Variants in TULP1 observed in about 807,000 individuals in gnomAD.
TULP1 encodes tubby-related protein 1.
Under a neutral mutation model 67.1 loss-of-function variants are expected in TULP1, and 50 were observed. The ratio of observed to expected loss-of-function variants is 0.75; its 90% confidence interval spans 0.59 to 0.94. The LOEUF is 0.94. Among genes scored for constraint, TULP1 ranks in the 40% least tolerant of loss-of-function variants. The pLI, the probability that TULP1 is intolerant of heterozygous loss-of-function variation, is 0.00. For missense variants in TULP1, 746 were observed against 734.1 expected (o/e 1.02, Z -0.19); for synonymous variants, 297 against 294.0 (o/e 1.01, Z -0.11).
Position 35,497,920 on chromosome 6 carries a change from G to A in TULP1, c.*407C>T. On this transcript the variant is annotated 3_prime_UTR_variant, in exon 15 of 15. Transcript: ENST00000229771. ...TTGGGGATGTGGGTGCCTGGCCCTC[G>A]TCCCCCATCACCTACCCCCTCCTCC... 3.9e-6 allele frequency: 1 copy of A among 258,616 alleles called. No homozygotes were observed. The highest frequency in any genetic ancestry group is 7.6e-6 in the Non-Finnish European group (1 of 131,432). The allele number at this position is 258,616 out of a possible 1,614,324, so 16.0% of individuals were successfully genotyped here. A position where few individuals can be genotyped will look rare whatever the true frequency, so the allele number is the denominator to read the frequency against.
intron 4 of TULP1, among the ~76,000 whole-genome samples, 187 bp from the exon 5 acceptor site, chr6:35,511,197 G>C (rs552283926): frequency 3.9e-5 from 6 of 152,248 alleles, no homozygotes; most frequent in African/African-American, 1.4e-4. Context: ...TTCAGGGTCT[G>C]CAAATCAGGG....
Position 35,498,591 on chromosome 6 carries a change from TACTC to T in TULP1, c.1496-135_1496-132del, listed in dbSNP as rs1420798218. ...TCCAACCCTCAGCCACCATCTCAGT[TACTC>T]AACACCCATCCCTTCTTCTATCTCA... On this transcript the variant is annotated intron_variant, in intron 14 of 14. Transcript: ENST00000229771. The surrounding 1 kb of genome is among the most constrained non-coding windows in gnomAD (Gnocchi z 6.7). The T allele has an allele frequency of 7.4e-7, 1 of 1,359,212 alleles. No homozygotes were observed. Among genetic ancestry groups the T allele is most frequent in the Non-Finnish European group, 1.0e-6 (1 of 991,560 alleles). 84.2% of individuals were successfully genotyped at this position (1,359,212 alleles called of 1,614,324 possible). A position where few individuals can be genotyped will look rare whatever the true frequency, so the allele number is the denominator to read the frequency against.
chr6:35,509,788 G>C (rs199721291), intron 6 of TULP1, 38 bp from the exon 7 acceptor site: 1 of 1,613,846 alleles, frequency 6.2e-7, no homozygotes, highest in African/African-American at 1.3e-5. Context: ...AACCCCCACC[G>C]CAACTGGAGT....
rs761217132 is a variant in TULP1 at position 35,509,693 on chromosome 6, G to A, written c.659C>T (p.Pro220Leu). 4.3e-6 allele frequency: 7 copies of A among 1,613,932 alleles called. No individual in the cohort carries two copies. In the Admixed American group the frequency reaches 8.3e-5, roughly 19 times the overall value. ...TTCCCCAACCAGAAACATGGCTGCT[G>A]GGCTCTTCCTCGCACTGGCTGGGCT... ...SGSPASARKS[P>L]AAMFLVGEGS... The change falls in exon 7 of 15, where the codon CCA (proline) becomes CTA (leucine). Residue 220 changes from proline (P) to leucine (L), a missense_variant. Around this residue, in one of 3 missense-constraint regions of TULP1, gnomAD observed 359 missense variants for 341.9 expected, o/e 1.05. Coordinates refer to ENST00000229771, the MANE Select transcript of TULP1 (RefSeq NM_003322.6).
chr6:35,505,397 A>C (rs1185929974), intron 11 of TULP1: 7 of 405,826 alleles, frequency 1.7e-5, no homozygotes, highest in Non-Finnish European at 3.3e-5. Context: ...TGAGTAGCTA[A>C]TATGTGTTCA....
chr6:35,505,691 T>C, intron 11 of TULP1, 50 bp downstream of exon 11: 1 of 1,608,072 alleles, frequency 6.2e-7, no homozygotes, highest in Non-Finnish European at 8.5e-7. Flanking sequence ...TGACGGGCTA[T>C]GGCCTTTTGC....
intron 11 of TULP1, among the ~76,000 whole-genome samples, chr6:35,504,864 C>T (rs891974958): frequency 6.6e-6 from 1 of 151,876 alleles, no homozygotes; most frequent in African/African-American, 2.4e-5. Flanking sequence ...TCACGCCTGG[C>T]CTGGAAGTGA....
At chr6:35,506,228 G>C (rs1460396695) in intron 9 of TULP1, 46 bp downstream of exon 9, 1 of 1,608,700 alleles carries the variant, frequency 6.2e-7, no homozygotes. Context: ...CCCGCTCCCA[G>C]CAGGTCCCAG....
intron 5 of TULP1, 128 bp from the exon 6 acceptor site, chr6:35,510,056 T>C: frequency 1.2e-6 from 1 of 814,492 alleles, no homozygotes; most frequent in South Asian, 1.6e-5. Context: ...ACAGCCTGCC[T>C]TCTTTTTCTT....
chr6:35,506,146 C>CG lies in TULP1; in HGVS notation c.855dup (p.Val286ArgfsTer98), dbSNP rs1554125752. The CG allele has an allele frequency of 8.1e-6, 13 of 1,613,504 alleles. No homozygotes were observed. The highest frequency in any genetic ancestry group is 2.2e-5 in the South Asian group (2 of 91,056). On this transcript the variant is annotated frameshift_variant, in exon 10 of 15. Transcript: ENST00000229771. LOFTEE classifies it high-confidence loss of function. ...AACTCCCGGGGTTCGTCCACCTCCA[C>CG]GGGGGGAGACGGGGCCCTCTCCTCC...
At chr6:35,512,784 G>C in intron 1 of TULP1, 28 bp downstream of exon 1, 1 of 1,524,482 alleles carries the variant, frequency 6.6e-7, no homozygotes, top group Non-Finnish European at 8.9e-7. Flanking sequence ...CCAGGGTTCA[G>C]GTGCCACGAA....
chr6:35,510,722 A>T (rs76032009), intron 5 of TULP1, 139 bp downstream of exon 5: 127,085 of 1,582,732 alleles, frequency 0.08, 5,717 homozygotes, highest in Admixed American at 0.15. Flanking sequence ...GGGAGAAATT[A>T]TCAGAGGAAA....
At position 35,511,813 on chromosome 6, in the gene TULP1, C is replaced by G; in HGVS notation, c.191-7G>C. 1 of 1,543,404 alleles carries G rather than the reference C, an allele frequency of 6.5e-7. No individual in the cohort carries two copies. The highest frequency in any genetic ancestry group is 8.7e-7 in the Non-Finnish European group (1 of 1,143,552). On this transcript the variant is annotated splice_polypyrimidine_tract_variant and splice_region_variant and intron_variant, in intron 3 of 14. Coordinates refer to ENST00000229771, the MANE Select transcript of TULP1 (RefSeq NM_003322.6). ...GGCCTCCCCGTCCGCCCAGCTGAGC[C>G]GAGATGCGGGGTTCAGACAGGGTCC...
chr6:35,505,483 G>A, intron 11 of TULP1: 1 of 977,398 alleles, frequency 1.0e-6, no homozygotes, highest in Non-Finnish European at 1.5e-6. Flanking sequence ...TCCAAGTGAG[G>A]CCCTGGGCTG....
intron 11 of TULP1, among the ~76,000 whole-genome samples, chr6:35,504,726 A>ATT (rs557027315): frequency 4.3e-4 from 62 of 143,378 alleles, no homozygotes; most frequent in African/African-American, 1.5e-3. Context: ...CGCTGGGCTA[A>ATT]TTTTTTTTTT....
Position 35,505,716 on chromosome 6 carries a change from C to T in TULP1, c.1112+25G>A, listed in dbSNP as rs575511734. The T allele has an allele frequency of 2.9e-5, 47 of 1,613,404 alleles. No homozygotes were observed. In the African/African-American group the frequency reaches 4.1e-4, roughly 14 times the overall value. Reference sequence around the variant, plus strand: ...TGGCCTTTTGCTGACCCAAGTCCCCCCAGCCCCAGGAAGCCCAGCCCCACC... The same window carrying T: ...TGGCCTTTTGCTGACCCAAGTCCCCTCAGCCCCAGGAAGCCCAGCCCCACC... On this transcript the variant is annotated intron_variant, in intron 11 of 14. Coordinates refer to ENST00000229771, the MANE Select transcript of TULP1 (RefSeq NM_003322.6).
intron 7 of TULP1, 128 bp from the exon 8 acceptor site, chr6:35,509,440 C>T: frequency 9.0e-7 from 1 of 1,110,496 alleles, no homozygotes. Context: ...ATTATTAGAG[C>T]CCAAAAAGGC....
In TULP1 at chr6:35,503,759, T is replaced by C; in HGVS notation, c.1202A>G (p.Gln401Arg). The C allele has an allele frequency of 6.2e-7, 1 of 1,613,520 alleles. No individual in the cohort carries two copies. The highest frequency in any genetic ancestry group is 8.5e-7 in the Non-Finnish European group (1 of 1,179,774). The change falls in exon 12 of 15, where the codon CAG (glutamine) becomes CGG (arginine). Residue 401 changes from glutamine to arginine, a missense_variant. By Grantham distance (43) the Gln-to-Arg change is conservative (BLOSUM62 1). This residue lies in a region of TULP1 where 383 missense variants were observed against 374.1 expected (regional missense o/e 1.02). Coordinates refer to ENST00000229771, the MANE Select transcript of TULP1 (RefSeq NM_003322.6). The surrounding 1 kb of genome is among the most constrained non-coding windows in gnomAD (Gnocchi z 4.0). ...GYSTNVASLR[Q>R]ELAAVIYETN... ...CACATAGATCACAGCTGCCAGCTCC[T>C]GCCGAAGGCTTGCCACATTAGTGCT... is the stretch of plus-strand genomic sequence containing the variant.
Position 35,499,897 on chromosome 6 carries a change from G to A in TULP1, c.1495+84C>T, listed in dbSNP as rs1768792863. 8 of 1,496,200 alleles carry A rather than the reference G, an allele frequency of 5.3e-6. No individual in the cohort carries two copies. The South Asian group carries it at 9.1e-5, about 17-fold the overall frequency. 92.7% of individuals were successfully genotyped at this position (1,496,200 alleles called of 1,614,324 possible). A position where few individuals can be genotyped will look rare whatever the true frequency, so the allele number is the denominator to read the frequency against. ...GGGATAAAGGCTGGTGTGTGTGTGT[G>A]TGAGGGGGTGAGGGGAGCTTGAATG... On this transcript the variant is annotated intron_variant, in intron 14 of 14. Transcript: ENST00000229771.
Sources: allele counts gnomAD v4.1 joint callset (sites outside exome capture counted in the v4.1 genomes callset), GRCh38; gene constraint gnomAD v4.1.1; regional missense constraint gnomAD v4.1.1; non-coding constraint Gnocchi (gnomAD v3.1); transcripts MANE v1.5; gene names NCBI Gene and HGNC (gene_info 2026-07-23, HGNC 2026-07-21).